Variants in TKT observed in about 807,000 individuals in gnomAD.
The protein encoded by TKT is epididymis luminal protein 107.
In TKT, 47 loss-of-function variants were observed where a neutral mutation model predicts 63.9. The ratio of observed to expected loss-of-function variants is 0.74; its 90% CI spans 0.58 to 0.94. The LOEUF (loss-of-function observed/expected upper bound fraction) is 0.94. Among genes scored for constraint, TKT ranks in the 40% least tolerant of loss-of-function variants. The pLI is 0.00. For missense variants in TKT, 721 were observed against 846.2 expected, an observed-to-expected ratio of 0.85 and a Z score of 1.84; for synonymous variants, 338 against 334.1, an observed-to-expected ratio of 1.01 and a Z score of -0.13.
chr3:53,239,164 CCTT>C (rs1705164162), intron 4 of TKT, among the ~76,000 whole-genome samples: 1 of 152,102 alleles, frequency 6.6e-6, no homozygotes. Context: ...ACTTGTTCCT[CCTT>C]ACCTTCCAGC....
rs782414814 is a variant in TKT, at chr3:53,225,893, C to T, written c.1735G>A (p.Glu579Lys). The T allele has an allele frequency of 1.9e-5, 30 of 1,613,546 alleles. No homozygotes were observed. The highest frequency in any genetic ancestry group is 1.7e-4 in the Middle Eastern group (1 of 5,820). Reference protein sequence around the residue: ...GEAVSSAVVGEPGITVTHLAV... With the variant: ...GEAVSSAVVGKPGITVTHLAV... ...AGGTGGGTGACAGTGATGCCAGGCTCGCCCACTACTGCACTGGACACAGCC... is the reference window on the plus strand; with the variant it reads ...AGGTGGGTGACAGTGATGCCAGGCTTGCCCACTACTGCACTGGACACAGCC... Residue 579 changes from glutamate to lysine, a missense_variant, in exon 14 of 14, where the codon GAG becomes AAG. Coordinates refer to ENST00000462138, the MANE Select transcript of TKT (RefSeq NM_001064.4).
rs782481790 is a variant in TKT at position 53,255,981 on chromosome 3, C to T, written c.-39G>A. 5.0e-6 allele frequency: 7 copies of T among 1,413,414 alleles called. No homozygotes were observed. The highest frequency in any genetic ancestry group is 6.6e-6 in the Non-Finnish European group (7 of 1,055,052). 87.6% of individuals were successfully genotyped at this position (1,413,414 alleles called of 1,614,324 possible). A position where few individuals can be genotyped will look rare whatever the true frequency, so the allele number is the denominator to read the frequency against. ...GGGACCGGGCGCACACGCGGACACACAGAGATAGCGGCTGCTCCCGCGGCG... is the reference window on the plus strand; with the variant it reads ...GGGACCGGGCGCACACGCGGACACATAGAGATAGCGGCTGCTCCCGCGGCG... On this transcript the variant is annotated 5_prime_UTR_variant, in exon 1 of 14. The change creates a new upstream start codon in the 5' untranslated region. Transcript: ENST00000462138.
At chr3:53,226,279 T>C (rs1704495227) in intron 13 of TKT, 1 of 261,334 alleles carries the variant, frequency 3.8e-6, no homozygotes, top group Admixed American at 4.9e-5. Flanking sequence ...ACACCATTGT[T>C]GGTGACCAGC....
intron 6 of TKT, chr3:53,232,751 A>C (rs1704825747): frequency 2.5e-6 from 1 of 403,494 alleles, no homozygotes; most frequent in Admixed American, 4.4e-5. Context: ...CCTGGAGGGA[A>C]CAGTTCTCTC....
intron 1 of TKT, among the ~76,000 whole-genome samples, chr3:53,248,630 C>A (rs575887369): frequency 8.9e-6 from 1 of 111,856 alleles, no homozygotes; most frequent in East Asian, 2.3e-4. Flanking sequence ...CCCTGCCCCC[C>A]ACCCCCCAAA....
At chr3:53,249,315 C>G (rs189382645) in intron 1 of TKT, among the ~76,000 whole-genome samples, 1 of 151,994 alleles carries the variant, frequency 6.6e-6, no homozygotes, top group South Asian at 2.1e-4. Flanking sequence ...CAGTGGCTCA[C>G]GCCTGTAATC....
intron 1 of TKT, among the ~76,000 whole-genome samples, chr3:53,242,511 G>A (rs2106707023): frequency 6.6e-6 from 1 of 152,248 alleles, no homozygotes; most frequent in South Asian, 2.1e-4. Context: ...CACGGCAACT[G>A]AAAATATCTG....
rs772874580 is a variant in TKT at position 53,235,104 on chromosome 3, C to T, written c.508G>A (p.Ala170Thr). The change falls in exon 5 of 14, where the codon GCC (alanine) becomes ACC (threonine). Residue 170 changes from alanine to threonine, a missense_variant. Physicochemically the swap from Ala to Thr is moderately conservative, Grantham distance 58. Transcript: ENST00000462138. Reference protein sequence around the residue: ...EGSVWEAMAFASIYKLDNLVA... With the variant: ...EGSVWEAMAFTSIYKLDNLVA... ...AGGTTGTCCAGCTTATAGATGCTGG[C>T]GAAGGCCATGGCCTCCCATACAGAG... is the stretch of plus-strand genomic sequence containing the variant. The T allele has an allele frequency of 3.2e-5, 52 of 1,613,740 alleles. No individual in the cohort carries two copies. The highest frequency in any genetic ancestry group is 4.0e-5 in the Non-Finnish European group (47 of 1,180,012).
At position 53,241,267 on chromosome 3, in the gene TKT, G is replaced by A. The variant is rs535422131; in HGVS notation, c.226-22C>T. 5.0e-6 allele frequency: 8 copies of A among 1,585,388 alleles called. No homozygotes were observed. In the East Asian group the frequency reaches 1.4e-4, roughly 28 times the overall value. On this transcript the variant is annotated intron_variant, in intron 2 of 13. Coordinates refer to ENST00000462138, the MANE Select transcript of TKT (RefSeq NM_001064.4). ...GGCCCTGCCGGGAGATGGATGGTGG[G>A]GTGAGGTCAGGTGGGGAGCGGTTCT...
intron 1 of TKT, among the ~76,000 whole-genome samples, chr3:53,248,881 A>G (rs1705629098): frequency 6.6e-6 from 1 of 152,176 alleles, no homozygotes; most frequent in South Asian, 2.1e-4. Context: ...TTTGTAGTAA[A>G]TCTCTGCAAA....
At chr3:53,253,763 C>CAA (rs1214641347) in intron 1 of TKT, among the ~76,000 whole-genome samples, 122 of 150,992 alleles carry the variant, frequency 8.1e-4, no homozygotes, top group African/African-American at 2.9e-3. Flanking sequence ...GACTCCATCT[C>CAA]AAAAAAAAAA....
At chr3:53,238,298 T>G (rs3773747) in intron 4 of TKT, among the ~76,000 whole-genome samples, 1 of 152,102 alleles carries the variant, frequency 6.6e-6, no homozygotes, top group Non-Finnish European at 1.5e-5. Context: ...CCAAATAAAA[T>G]GCTCTTAAAC....
intron 1 of TKT, among the ~76,000 whole-genome samples, chr3:53,243,787 C>G (rs1249873665): frequency 5.3e-5 from 8 of 152,182 alleles, no homozygotes; most frequent in Admixed American, 3.3e-4. Flanking sequence ...TCTCGTCCTT[C>G]CCACCTCCAA....
chr3:53,228,010 T>G (rs1406601356), intron 12 of TKT, 46 bp downstream of exon 12: 2 of 1,537,082 alleles, frequency 1.3e-6, no homozygotes, highest in East Asian at 2.2e-5. Context: ...AGACCTAGCA[T>G]GCAGTGGCCG....
chr3:53,235,380 T>A lies in TKT; in HGVS notation c.438-206A>T, dbSNP rs560158276. 6 of 481,618 alleles carry A rather than the reference T, an allele frequency of 1.2e-5. No individual in the cohort carries two copies. The East Asian group carries it at 1.9e-4, about 16-fold the overall frequency. The allele number at this position is 481,618 out of a possible 1,614,324, so 29.8% of individuals were successfully genotyped here. A position where few individuals can be genotyped will look rare whatever the true frequency, so the allele number is the denominator to read the frequency against. ...AGCCACACCCCAAGAGAAAATGGCA[T>A]GAAGGAAGACGTCAGGAGCTCAGGA... On this transcript the variant is annotated intron_variant, in intron 4 of 13. Coordinates refer to ENST00000462138, the MANE Select transcript of TKT (RefSeq NM_001064.4).
intron 4 of TKT, among the ~76,000 whole-genome samples, chr3:53,238,795 G>GT (rs1705145826): frequency 6.6e-6 from 1 of 152,236 alleles, no homozygotes; most frequent in Non-Finnish European, 1.5e-5. Flanking sequence ...TTCCTCACCT[G>GT]TAAGACGGGT....
At chr3:53,237,889 C>T (rs1553679039) in intron 4 of TKT, 1 of 152,166 alleles carries the variant, frequency 6.6e-6, no homozygotes, top group East Asian at 1.9e-4. Context: ...CGTACCACTG[C>T]ACTCCAGCCT....
chr3:53,233,102 C>A, intron 6 of TKT, 54 bp downstream of exon 6: 1 of 1,494,138 alleles, frequency 6.7e-7, no homozygotes, highest in South Asian at 1.2e-5. Flanking sequence ...AGCTACGTAG[C>A]CACAGTGTCT....
intron 1 of TKT, among the ~76,000 whole-genome samples, chr3:53,246,247 GAC>G (rs1705497822): frequency 1.3e-5 from 2 of 152,082 alleles, no homozygotes; most frequent in African/African-American, 4.8e-5. Context: ...TAGACTCGGT[GAC>G]AGAGTGAGAC....
Sources: gnomAD v4.1 joint callset for allele counts (sites outside exome capture counted in the v4.1 genomes callset) on GRCh38, gnomAD v4.1.1 for gene constraint, MANE v1.5 for transcripts, NCBI Gene and HGNC (gene_info 2026-07-23, HGNC 2026-07-21) for gene names.